KCTD8: variants seen among roughly 807,000 people sequenced by gnomAD.
KCTD8 encodes the protein BTB/POZ domain-containing protein KCTD8.
KCTD8 carries 27 observed loss-of-function variants against 31.5 expected under a neutral mutation model. The ratio of observed to expected loss-of-function variants is 0.86; its 90% CI spans 0.63 to 1.18. The LOEUF (loss-of-function observed/expected upper bound fraction) is 1.18. Among genes scored for constraint, KCTD8 ranks in the 50% most tolerant of loss-of-function variants. KCTD8 has a pLI of 0.00. For synonymous variants in KCTD8, 290 were observed against 280.0 expected, an observed-to-expected ratio of 1.04 and a Z score of -0.36; for missense variants, 658 against 647.7, an observed-to-expected ratio of 1.02 and a Z score of -0.17.
At chr4:44,434,492 A>C (rs530574771) in intron 1 of KCTD8, among the ~76,000 whole-genome samples, 1 of 151,924 alleles carries the variant, frequency 6.6e-6, no homozygotes, top group Non-Finnish European at 1.5e-5. Context: ...GTATAAATGC[A>C]GCCCTGGTTT....
At chr4:44,290,484 A>G (rs1602290) in intron 1 of KCTD8, among the ~76,000 whole-genome samples, 138,173 of 152,108 alleles carry the variant, frequency 0.91, 62,974 homozygotes, top group East Asian at 1. Flanking sequence ...TACAGAATGC[A>G]CCACTCAAAA....
At chr4:44,392,882 T>C (rs1720407665) in intron 1 of KCTD8, among the ~76,000 whole-genome samples, 1 of 152,008 alleles carries the variant, frequency 6.6e-6, no homozygotes, top group Non-Finnish European at 1.5e-5. Flanking sequence ...ACATCTATTT[T>C]TACTAAACGT....
chr4:44,205,607 A>G (rs907536188), intron 1 of KCTD8, among the ~76,000 whole-genome samples: 3 of 152,244 alleles, frequency 2.0e-5, no homozygotes, highest in African/African-American at 7.2e-5. Flanking sequence ...AAAGCAAGAG[A>G]GATTTGTTTT....
In KCTD8 at chr4:44,447,103, C is replaced by T. The variant is rs1184158543; in HGVS notation, c.961+460G>A. ...AGCAGGTGATCCAGGTGGTGCGAGGCGATGCCTTGTTATGGCATCCTGCCC... is the reference window on the plus strand; with the variant it reads ...AGCAGGTGATCCAGGTGGTGCGAGGTGATGCCTTGTTATGGCATCCTGCCC... On this transcript the variant is annotated intron_variant, in intron 1 of 1. Transcript: ENST00000360029. Among the ~76,000 whole-genome samples the T allele has an allele frequency of 3.9e-5, 6 of 152,198 alleles. No individual in the cohort carries two copies. The East Asian group carries it at 7.8e-4, about 20-fold the overall frequency.
intron 1 of KCTD8, among the ~76,000 whole-genome samples, chr4:44,361,662 C>CACAATTAT (rs1001797117): frequency 5.3e-5 from 8 of 152,052 alleles, no homozygotes; most frequent in South Asian, 2.1e-4. Flanking sequence ...GTAGGAAAAA[C>CACAATTAT]ACAATTATAC....
In KCTD8 at chr4:44,447,933, G is replaced by A; in HGVS notation, c.591C>T (p.Gly197=). The change falls in exon 1 of 2, where the codon GGC becomes GGT. Residue 197 remains glycine, a synonymous_variant. Transcript: ENST00000360029. ...AGCGCTTGTCCTGCGCGCCGCCGCC[G>A]CCGCCACCACCGTGCGCTCCCGGGC... The part of the protein sequence containing the change: ...PSGPGAHGGG[G]GGGAQDKRSG... 1 of 1,428,244 alleles carries A rather than the reference G, an allele frequency of 7.0e-7. No homozygotes were observed. The allele number at this position is 1,428,244 out of a possible 1,614,324, so 88.5% of individuals were successfully genotyped here. A position where few individuals can be genotyped will look rare whatever the true frequency, so the allele number is the denominator to read the frequency against.
intron 1 of KCTD8, among the ~76,000 whole-genome samples, chr4:44,392,821 A>G (rs1720406595): frequency 6.6e-6 from 1 of 151,986 alleles, no homozygotes; most frequent in East Asian, 1.9e-4. Context: ...TCTGTCTTGA[A>G]CACTGCAATA....
chr4:44,383,174 C>T (rs1025397224), intron 1 of KCTD8, among the ~76,000 whole-genome samples: 1 of 151,722 alleles, frequency 6.6e-6, no homozygotes, highest in Non-Finnish European at 1.5e-5. Context: ...TTGAAAAAGA[C>T]ACCAAAAATG....
At chr4:44,426,008 AC>A (rs1275480469) in intron 1 of KCTD8, among the ~76,000 whole-genome samples, 1 of 151,846 alleles carries the variant, frequency 6.6e-6, no homozygotes, top group South Asian at 2.1e-4. Context: ...GCGATAAATA[AC>A]AAGAGGAATT....
chr4:44,249,422 T>C (rs1417249607), intron 1 of KCTD8, among the ~76,000 whole-genome samples: 2 of 151,858 alleles, frequency 1.3e-5, no homozygotes, highest in African/African-American at 4.8e-5. Flanking sequence ...AAGTACATAT[T>C]GTACTCTATA....
intron 1 of KCTD8, among the ~76,000 whole-genome samples, chr4:44,192,384 G>T (rs1713789897): frequency 6.6e-6 from 1 of 151,184 alleles, no homozygotes; most frequent in Non-Finnish European, 1.5e-5. Context: ...ATTATTACTG[G>T]CCTAGACTGA....
At chr4:44,435,705 C>A (rs1560454385) in intron 1 of KCTD8, among the ~76,000 whole-genome samples, 1 of 152,018 alleles carries the variant, frequency 6.6e-6, no homozygotes, top group Admixed American at 6.6e-5. Context: ...ATAAAAATTA[C>A]AAGCCTATCA....
chr4:44,285,982 C>T lies in KCTD8; in HGVS notation c.962-110732G>A, dbSNP rs149206023. 2.0e-4 allele frequency among the ~76,000 whole-genome samples: 31 copies of T among 152,118 alleles called. No homozygotes were observed. In the East Asian group the frequency reaches 4.3e-3, roughly 21 times the overall value. ...AATAAATTTAAATAGATTAAATTAACGAGTTAAATTAAAAGATTAACAGGA... is the reference window on the plus strand; with the variant it reads ...AATAAATTTAAATAGATTAAATTAATGAGTTAAATTAAAAGATTAACAGGA... On this transcript the variant is annotated intron_variant, in intron 1 of 1. Coordinates refer to ENST00000360029, the MANE Select transcript of KCTD8 (RefSeq NM_198353.3).
At chr4:44,288,839 T>G (rs184042622) in intron 1 of KCTD8, among the ~76,000 whole-genome samples, 1 of 152,174 alleles carries the variant, frequency 6.6e-6, no homozygotes, top group African/African-American at 2.4e-5. Flanking sequence ...GAGAAGTGTA[T>G]GTATGGAATA....
intron 1 of KCTD8, among the ~76,000 whole-genome samples, chr4:44,403,389 G>A (rs1720710652): frequency 6.6e-6 from 1 of 150,440 alleles, no homozygotes; most frequent in African/African-American, 2.4e-5. Context: ...TAATATATAG[G>A]AGGTAGGGAC....
At chr4:44,349,574 T>A (rs1464663758) in intron 1 of KCTD8, among the ~76,000 whole-genome samples, 4 of 152,186 alleles carry the variant, frequency 2.6e-5, no homozygotes, top group African/African-American at 7.2e-5. Context: ...AGCTGTCCAC[T>A]AACTGTACAA....
At chr4:44,377,833 T>G (rs1719953600) in intron 1 of KCTD8, among the ~76,000 whole-genome samples, 1 of 152,166 alleles carries the variant, frequency 6.6e-6, no homozygotes, top group Non-Finnish European at 1.5e-5. Flanking sequence ...TGTGCTATAT[T>G]ACGTCTTCTT....
chr4:44,334,023 T>C (rs962455622), intron 1 of KCTD8, among the ~76,000 whole-genome samples: 1 of 152,130 alleles, frequency 6.6e-6, no homozygotes, highest in Admixed American at 6.5e-5. Flanking sequence ...ACTACCCATT[T>C]ATAGCTAATT....
intron 1 of KCTD8, among the ~76,000 whole-genome samples, chr4:44,286,032 C>T (rs897913709): frequency 1.3e-5 from 2 of 151,888 alleles, no homozygotes; most frequent in Non-Finnish European, 2.9e-5. Flanking sequence ...GATTCCAACC[C>T]TTATCTTATC....
Sources: allele counts gnomAD v4.1 joint callset (sites outside exome capture counted in the v4.1 genomes callset), GRCh38; gene constraint gnomAD v4.1.1; transcripts MANE v1.5; gene names NCBI Gene and HGNC (gene_info 2026-07-23, HGNC 2026-07-21).